Variants in B4GALT5 observed in about 807,000 individuals in gnomAD.
B4GALT5 encodes UDP-Gal:beta-GlcNAc beta-1,4-galactosyltransferase 5.
In B4GALT5, 11 loss-of-function variants were observed where a neutral mutation model predicts 45.0. That is an observed-to-expected ratio of 0.24 (90% CI 0.15 to 0.40). The LOEUF is 0.40. B4GALT5 is among the 10% of genes least tolerant of loss of function. The pLI is 1.00. For synonymous variants in B4GALT5, 185 were observed against 182.9 expected, an observed-to-expected ratio of 1.01 and a Z score of -0.09; for missense variants, 337 against 500.2, an observed-to-expected ratio of 0.67 and a Z score of 3.11.
chr20:49,658,386 G>A (rs1359586500), intron 1 of B4GALT5, among the ~76,000 whole-genome samples: 2 of 146,284 alleles, frequency 1.4e-5, no homozygotes, highest in Admixed American at 6.6e-5. Flanking sequence ...TCAGTCCTGT[G>A]TTGTTGTTGT....
rs1568726502 is a variant in B4GALT5 at position 49,675,105 on chromosome 20, G to A, written c.116-18403C>T. ...GGAGGGGATAAGAGCAGGGGAGGGG[G>A]ACCAAACCCAACTTTGCCTCCCTTC... On this transcript the variant is annotated intron_variant, in intron 1 of 8. Transcript: ENST00000371711. Among the ~76,000 whole-genome samples, 12 of 152,212 alleles carry A rather than the reference G, an allele frequency of 7.9e-5. No individual in the cohort carries two copies. In the South Asian group the frequency reaches 2.5e-3, roughly 32 times the overall value.
intron 1 of B4GALT5, among the ~76,000 whole-genome samples, chr20:49,668,014 G>A (rs1352832492): frequency 3.9e-5 from 6 of 152,050 alleles, no homozygotes; most frequent in Admixed American, 6.6e-5. Context: ...TGGAGCAACC[G>A]TGTGACAATT....
At chr20:49,641,042 G>A (rs1054292229) in intron 5 of B4GALT5, among the ~76,000 whole-genome samples, 4 of 152,142 alleles carry the variant, frequency 2.6e-5, no homozygotes, top group Non-Finnish European at 4.4e-5. Context: ...TTGAACCCGG[G>A]AGGCGGAGGC....
At chr20:49,639,531 T>G in intron 7 of B4GALT5, 147 bp downstream of exon 7, 2 of 1,251,268 alleles carry the variant, frequency 1.6e-6, no homozygotes, top group African/African-American at 1.5e-5. Context: ...AGCTGGTCAA[T>G]TTCATTTTTT....
At chr20:49,690,825 A>G (rs974165915) in intron 1 of B4GALT5, among the ~76,000 whole-genome samples, 12 of 152,190 alleles carry the variant, frequency 7.9e-5, no homozygotes, top group Non-Finnish European at 7.3e-5. Context: ...GACACAAAAT[A>G]TCCTAGAGAA....
Position 49,647,065 on chromosome 20 carries a change from G to C in B4GALT5, c.264C>G (p.Asp88Glu). Reference protein sequence around the residue: ...SSVNDSDYPLDLNHSETFLQT... With the variant: ...SSVNDSDYPLELNHSETFLQT... ...GCAGGAAGGTTTCACTGTGGTTCAAGTCAAGAGGATAATCTAGGGAGGTAA... is the reference window on the plus strand; with the variant it reads ...GCAGGAAGGTTTCACTGTGGTTCAACTCAAGAGGATAATCTAGGGAGGTAA... The change falls in exon 3 of 9, where the codon GAC (aspartate) becomes GAG (glutamate). Residue 88 changes from aspartate to glutamate, a missense_variant. Transcript: ENST00000371711. 6.2e-7 allele frequency: 1 copy of C among 1,612,994 alleles called. No individual in the cohort carries two copies. The highest frequency in any genetic ancestry group is 8.5e-7 in the Non-Finnish European group (1 of 1,179,132).
intron 1 of B4GALT5, among the ~76,000 whole-genome samples, chr20:49,671,971 C>T (rs1447182128): frequency 6.6e-6 from 1 of 152,026 alleles, no homozygotes; most frequent in Non-Finnish European, 1.5e-5. Context: ...CTAATAATTC[C>T]CCTAATCTCA....
At chr20:49,652,010 C>T (rs970076100) in intron 2 of B4GALT5, among the ~76,000 whole-genome samples, 3 of 152,062 alleles carry the variant, frequency 2.0e-5, no homozygotes, top group Non-Finnish European at 4.4e-5. Context: ...ATCTAGGAGG[C>T]GGAGGTTGCA....
chr20:49,693,368 CTG>C (rs1368525794), intron 1 of B4GALT5, among the ~76,000 whole-genome samples: 2 of 152,188 alleles, frequency 1.3e-5, no homozygotes, highest in African/African-American at 4.8e-5. Context: ...AATGAAGAAA[CTG>C]AAGTTCGAAC....
intron 1 of B4GALT5, among the ~76,000 whole-genome samples, chr20:49,696,874 T>C (rs1011460860): frequency 1.3e-5 from 2 of 152,226 alleles, no homozygotes; most frequent in Non-Finnish European, 2.9e-5. Flanking sequence ...CTTACATAAA[T>C]AATCTACTGG....
At chr20:49,694,258 C>T (rs1316519586) in intron 1 of B4GALT5, among the ~76,000 whole-genome samples, 1 of 152,106 alleles carries the variant, frequency 6.6e-6, no homozygotes, top group Non-Finnish European at 1.5e-5. Context: ...CTAGGCTTCA[C>T]ACCTACCTAC....
chr20:49,709,570 G>A (rs1247135555), intron 1 of B4GALT5, among the ~76,000 whole-genome samples: 2 of 152,062 alleles, frequency 1.3e-5, no homozygotes, highest in Non-Finnish European at 2.9e-5. Flanking sequence ...TCGGGAGTTC[G>A]AGACGAACCT....
chr20:49,649,452 C>T (rs752419414), intron 2 of B4GALT5, among the ~76,000 whole-genome samples: 44 of 151,846 alleles, frequency 2.9e-4, no homozygotes, highest in Non-Finnish European at 4.6e-4. Flanking sequence ...TGGTGGTGCG[C>T]GCCTGTGGTC....
intron 1 of B4GALT5, chr20:49,684,696 G>C (rs148286380): frequency 1.9e-6 from 1 of 513,274 alleles, no homozygotes; most frequent in Non-Finnish European, 3.9e-6. Context: ...AGACTTAAAC[G>C]ACATACTGAA....
chr20:49,697,374 C>T (rs186397445), intron 1 of B4GALT5, among the ~76,000 whole-genome samples: 2 of 152,228 alleles, frequency 1.3e-5, no homozygotes, highest in Non-Finnish European at 1.5e-5. Flanking sequence ...TCTGGCTGTA[C>T]ATTCTGAGGG....
At chr20:49,652,839 C>G (rs1464872448) in intron 2 of B4GALT5, among the ~76,000 whole-genome samples, 1 of 152,208 alleles carries the variant, frequency 6.6e-6, no homozygotes, top group East Asian at 1.9e-4. Context: ...GGGTATGTGC[C>G]TCAGCATTAT....
At chr20:49,654,212 T>C (rs1450518125) in intron 2 of B4GALT5, among the ~76,000 whole-genome samples, 2 of 152,228 alleles carry the variant, frequency 1.3e-5, no homozygotes, top group Non-Finnish European at 2.9e-5. Context: ...TGGCAGGGTT[T>C]AGGGAAAGAG....
At chr20:49,699,308 G>A (rs976760293) in intron 1 of B4GALT5, among the ~76,000 whole-genome samples, 1 of 134,942 alleles carries the variant, frequency 7.4e-6, no homozygotes, top group African/African-American at 2.8e-5. Context: ...CATACTGTAC[G>A]ACACAAAGTG....
At chr20:49,683,161 C>A (rs554531312) in intron 1 of B4GALT5, among the ~76,000 whole-genome samples, 17 of 152,088 alleles carry the variant, frequency 1.1e-4, no homozygotes, top group East Asian at 1.9e-4. Context: ...AATACAAATT[C>A]TCAACTAAAA....
Sources: allele counts gnomAD v4.1 joint callset (sites outside exome capture counted in the v4.1 genomes callset), GRCh38; gene constraint gnomAD v4.1.1; transcripts MANE v1.5; gene names NCBI Gene and HGNC (gene_info 2026-07-23, HGNC 2026-07-21).